The following SLC1A1 variants were observed in gnomAD, a reference collection of about 807,000 sequenced individuals.
SLC1A1 encodes the protein excitatory amino acid transporter 3.
In SLC1A1, 43 loss-of-function variants were observed where a neutral mutation model predicts 53.3. That is an observed-to-expected ratio of 0.81 (90% CI 0.63 to 1.04). The LOEUF (loss-of-function observed/expected upper bound fraction) is 1.04, where lower values mean the gene tolerates loss of function less well. Among genes scored for constraint, SLC1A1 ranks in the 50% least tolerant of loss-of-function variants. SLC1A1 has a pLI of 0.00. For missense variants in SLC1A1, 748 were observed against 664.9 expected (o/e 1.12, Z -1.37); for synonymous variants, 307 against 243.2 (o/e 1.26, Z -2.44).
At chr9:4,558,843 TG>T (rs1818671031) in intron 2 of SLC1A1, among the ~76,000 whole-genome samples, 1 of 152,166 alleles carries the variant, frequency 6.6e-6, no homozygotes, top group African/African-American at 2.4e-5. Flanking sequence ...ACGACATATC[TG>T]AAAATAGATC....
At chr9:4,540,850 G>A (rs554560114) in intron 1 of SLC1A1, among the ~76,000 whole-genome samples, 9 of 152,362 alleles carry the variant, frequency 5.9e-5, no homozygotes, top group African/African-American at 2.2e-4. Context: ...GGACATCAAG[G>A]CTCAGAGGTG....
chr9:4,530,291 T>C (rs1025985461), intron 1 of SLC1A1, among the ~76,000 whole-genome samples: 34 of 152,248 alleles, frequency 2.2e-4, no homozygotes, highest in African/African-American at 8.2e-4. Context: ...AACTGAATTG[T>C]CAAAACCCTC....
intron 2 of SLC1A1, chr9:4,560,223 G>A (rs971661784): frequency 7.9e-5 from 12 of 152,198 alleles, no homozygotes. Flanking sequence ...ATCATGAAAA[G>A]AGGAAGGAAA....
intron 11 of SLC1A1, among the ~76,000 whole-genome samples, chr9:4,584,702 C>A (rs1457207017): frequency 1.3e-5 from 2 of 152,182 alleles, no homozygotes; most frequent in Non-Finnish European, 2.9e-5. Flanking sequence ...CTTCCCCAGG[C>A]TCTCTGGAAA....
chr9:4,582,919 C>G, intron 10 of SLC1A1, 119 bp from the exon 11 acceptor site: 1 of 1,311,570 alleles, frequency 7.6e-7, no homozygotes, highest in South Asian at 1.2e-5. Flanking sequence ...TTCTAACTAC[C>G]CAATTTAGGG....
intron 9 of SLC1A1, 84 bp downstream of exon 9, chr9:4,576,207 T>A: frequency 1.4e-6 from 2 of 1,382,970 alleles, no homozygotes; most frequent in Non-Finnish European, 2.1e-6. Flanking sequence ...AGACTCCAGC[T>A]TGCGGTTTTT....
At chr9:4,548,839 A>G (rs921396985) in intron 2 of SLC1A1, among the ~76,000 whole-genome samples, 1 of 152,204 alleles carries the variant, frequency 6.6e-6, no homozygotes, top group African/African-American at 2.4e-5. Context: ...ATTTTCAGAG[A>G]CAATCATTGT....
In SLC1A1 at chr9:4,576,759, A is replaced by G. The variant is rs749608311; in HGVS notation, c.1189A>G (p.Ile397Val). Residue 397 changes from isoleucine (I) to valine (V), a missense_variant, in exon 10 of 12, where the codon ATC becomes GTC. Transcript: ENST00000262352. The part of the protein sequence containing the change: ...LDLGIGQIIT[I>V]SITATSASIG... The stretch of plus-strand genomic sequence containing the variant: ...CTTGGGCATTGGGCAGATCATCACC[A>G]TCAGGTGGGGCATGGTGTCACATTC... 4.3e-6 allele frequency: 7 copies of G among 1,613,594 alleles called. No individual in the cohort carries two copies. The highest frequency in any genetic ancestry group is 3.3e-5 in the Admixed American group (2 of 60,032).
chr9:4,533,718 C>A (rs1319960004), intron 1 of SLC1A1, among the ~76,000 whole-genome samples: 1 of 152,092 alleles, frequency 6.6e-6, no homozygotes, highest in South Asian at 2.1e-4. Flanking sequence ...GCAGACCTAA[C>A]AGACATCTAC....
intron 1 of SLC1A1, among the ~76,000 whole-genome samples, chr9:4,539,073 T>G (rs1328013564): frequency 1.4e-5 from 2 of 148,042 alleles, no homozygotes; most frequent in Admixed American, 1.3e-4. Context: ...AAAATTAATT[T>G]ACATAGAGAA....
chr9:4,560,294 T>C (rs1818810903), intron 2 of SLC1A1, among the ~76,000 whole-genome samples: 1 of 152,124 alleles, frequency 6.6e-6, no homozygotes, highest in African/African-American at 2.4e-5. Context: ...CATTTAAAGA[T>C]CCAGCAATAA....
At chr9:4,509,307 CT>C (rs937167284) in intron 1 of SLC1A1, among the ~76,000 whole-genome samples, 3 of 152,032 alleles carry the variant, frequency 2.0e-5, no homozygotes, top group African/African-American at 7.3e-5. Context: ...AGGAAGCAGA[CT>C]CAAAAGAGTT....
intron 1 of SLC1A1, among the ~76,000 whole-genome samples, chr9:4,527,965 C>T (rs997816730): frequency 5.3e-5 from 8 of 152,016 alleles, no homozygotes; most frequent in African/African-American, 1.9e-4. Flanking sequence ...GAAAGAATAC[C>T]CACCTCTTGT....
intron 1 of SLC1A1, among the ~76,000 whole-genome samples, chr9:4,518,118 C>T (rs1487250546): frequency 6.6e-6 from 1 of 150,728 alleles, no homozygotes; most frequent in East Asian, 2.0e-4. Context: ...TGCCTGTAAT[C>T]CCAGCTACTC....
Position 4,573,920 on chromosome 9 carries a change from G to T in SLC1A1, c.781G>T (p.Gly261Cys). 6.2e-7 allele frequency: 1 copy of T among 1,610,092 alleles called. No individual in the cohort carries two copies. The highest frequency in any genetic ancestry group is 1.1e-5 in the South Asian group (1 of 91,012). The change falls in exon 8 of 12, where the codon GGT becomes TGT. Residue 261 changes from glycine (G) to cysteine (C), a missense_variant. Transcript: ENST00000262352. Reference protein sequence around the residue: ...VQIIMCYMPLGILFLIAGKII... With the variant: ...VQIIMCYMPLCILFLIAGKII... ...CTTCCTTTCCAGTTATATGCCACTA[G>T]GTATTTTGTTCCTGATTGCTGGGAA...
intron 6 of SLC1A1, among the ~76,000 whole-genome samples, chr9:4,568,790 A>T (rs1819745619): frequency 6.6e-6 from 1 of 151,878 alleles, no homozygotes; most frequent in Non-Finnish European, 1.5e-5. Flanking sequence ...TGCCTTAGGG[A>T]GAAAATTTGT....
Position 4,490,716 on chromosome 9 carries a change from C to T in SLC1A1, c.37C>T (p.Arg13Cys), listed in dbSNP as rs201514288. 2 of 1,612,834 alleles carry T rather than the reference C, an allele frequency of 1.2e-6. No homozygotes were observed. The highest frequency in any genetic ancestry group is 1.1e-5 in the South Asian group (1 of 91,050). Residue 13 changes from arginine (R) to cysteine (C), a missense_variant, in exon 1 of 12, where the codon CGC becomes TGC. Coordinates refer to ENST00000262352, the MANE Select transcript of SLC1A1 (RefSeq NM_004170.6). ...GGCGAGGAAAGGATGCGAGTGGAAGCGCTTCCTGAAGAATAACTGGGTGTT... is the reference window on the plus strand; with the variant it reads ...GGCGAGGAAAGGATGCGAGTGGAAGTGCTTCCTGAAGAATAACTGGGTGTT... ...KPARKGCEWK[R>C]FLKNNWVLLS...
In SLC1A1 at chr9:4,548,210, T is replaced by C. The variant is rs1021936005; in HGVS notation, c.232+3503T>C. ...CCGGCTCAGTGCCACCTTTACCTGG[T>C]ACACAGCTCCTTCCTCCAGACCCTG... On this transcript the variant is annotated intron_variant, in intron 2 of 11. Transcript: ENST00000262352. 2.6e-5 allele frequency among the ~76,000 whole-genome samples: 4 copies of C among 152,138 alleles called. No individual in the cohort carries two copies. In the South Asian group the frequency reaches 8.3e-4, roughly 32 times the overall value.
intron 1 of SLC1A1, among the ~76,000 whole-genome samples, chr9:4,540,482 G>A (rs944928634): frequency 7.9e-5 from 12 of 152,200 alleles, no homozygotes; most frequent in Admixed American, 2.0e-4. Flanking sequence ...TAAGCCGTCC[G>A]TGGATGGCAA....
Sources: gnomAD v4.1 joint callset for allele counts (sites outside exome capture counted in the v4.1 genomes callset) on GRCh38, gnomAD v4.1.1 for gene constraint, MANE v1.5 for transcripts, NCBI Gene and HGNC (gene_info 2026-07-23, HGNC 2026-07-21) for gene names.